Variants in OPCML observed in about 807,000 individuals in gnomAD.
OPCML encodes opioid binding protein/cell adhesion molecule like.
Under a neutral mutation model 37.8 loss-of-function variants are expected in OPCML, and 13 were observed. The ratio of observed to expected loss-of-function variants is 0.34; its 90% CI spans 0.22 to 0.55. The LOEUF is 0.55. OPCML is among the 20% of genes least tolerant of loss of function. OPCML has a pLI of 0.91. For missense variants in OPCML, 341 were observed against 435.6 expected (o/e 0.78, Z 1.93); for synonymous variants, 176 against 168.8 (o/e 1.04, Z -0.33).
chr11:132,966,397 T>C (rs1946215933), intron 1 of OPCML, among the ~76,000 whole-genome samples: 1 of 152,168 alleles, frequency 6.6e-6, no homozygotes, highest in Non-Finnish European at 1.5e-5. Flanking sequence ...TGTATGATTT[T>C]GATCAAGTCA....
chr11:132,515,733 C>T (rs1167976428), intron 4 of OPCML, among the ~76,000 whole-genome samples: 3 of 152,158 alleles, frequency 2.0e-5, no homozygotes, highest in Non-Finnish European at 4.4e-5. Context: ...ACCATGATTA[C>T]TACCTTTAAA....
intron 2 of OPCML, among the ~76,000 whole-genome samples, chr11:132,793,584 T>A (rs1357164448): frequency 6.6e-6 from 1 of 152,090 alleles, no homozygotes; most frequent in Non-Finnish European, 1.5e-5. Flanking sequence ...CTTGAGATGA[T>A]TTGAGGGTGT....
At chr11:133,148,363 C>G (rs138622039) in intron 1 of OPCML, among the ~76,000 whole-genome samples, 2 of 152,202 alleles carry the variant, frequency 1.3e-5, no homozygotes, top group African/African-American at 4.8e-5. Context: ...TTGGAGGGAA[C>G]GTGCAATCCA....
intron 3 of OPCML, among the ~76,000 whole-genome samples, chr11:132,588,588 G>A (rs2096478132): frequency 6.6e-6 from 1 of 152,136 alleles, no homozygotes; most frequent in African/African-American, 2.4e-5. Context: ...CCCTTCTTTA[G>A]GGATGATTCA....
chr11:133,155,707 C>T (rs1256795442), intron 1 of OPCML, among the ~76,000 whole-genome samples: 3 of 152,170 alleles, frequency 2.0e-5, no homozygotes, highest in Non-Finnish European at 4.4e-5. Flanking sequence ...ATTTATTCAA[C>T]TGCCTACTTG....
At chr11:133,237,265 C>T (rs1019209211) in intron 1 of OPCML, among the ~76,000 whole-genome samples, 1 of 152,230 alleles carries the variant, frequency 6.6e-6, no homozygotes, top group African/African-American at 2.4e-5. Context: ...AGAATTTGTA[C>T]ACCCTGGGGT....
At chr11:132,564,144 T>G (rs7937193) in intron 3 of OPCML, among the ~76,000 whole-genome samples, 67,236 of 152,104 alleles carry the variant, frequency 0.44, 15,275 homozygotes, top group African/African-American at 0.49. Flanking sequence ...CCGATTGATC[T>G]TGAGTCTGGG....
intron 1 of OPCML, among the ~76,000 whole-genome samples, chr11:133,367,150 T>A (rs1565596089): frequency 6.6e-6 from 1 of 152,176 alleles, no homozygotes; most frequent in Non-Finnish European, 1.5e-5. Context: ...AGCTAACTTT[T>A]TTATTTCTAA....
At chr11:133,293,386 G>A (rs564083038) in intron 1 of OPCML, among the ~76,000 whole-genome samples, 2 of 152,096 alleles carry the variant, frequency 1.3e-5, no homozygotes, top group Admixed American at 6.5e-5. Context: ...CATTGACGGC[G>A]AAGTCCATGA....
intron 1 of OPCML, among the ~76,000 whole-genome samples, chr11:133,483,442 AGATT>A (rs926989281): frequency 1.6e-4 from 25 of 152,058 alleles, no homozygotes; most frequent in Admixed American, 3.9e-4. Flanking sequence ...CAGATTAGCT[AGATT>A]GATTGATAAA....
At chr11:133,344,620 C>A (rs1230794399) in intron 1 of OPCML, among the ~76,000 whole-genome samples, 1 of 152,160 alleles carries the variant, frequency 6.6e-6, no homozygotes, top group Non-Finnish European at 1.5e-5. Flanking sequence ...ACTCAAGGAG[C>A]CCCACCTCCT....
At chr11:132,491,757 A>C (rs1213940848) in intron 4 of OPCML, among the ~76,000 whole-genome samples, 1 of 152,212 alleles carries the variant, frequency 6.6e-6, no homozygotes, top group African/African-American at 2.4e-5. Context: ...CCTGCTCACA[A>C]AGAGCTTACA....
chr11:132,957,793 A>G lies in OPCML; in HGVS notation c.62-14783T>C, dbSNP rs1421020099. Among the ~76,000 whole-genome samples, 5 of 152,314 alleles carry G rather than the reference A, an allele frequency of 3.3e-5. No homozygotes were observed. In the East Asian group the frequency reaches 9.7e-4, roughly 29 times the overall value. On this transcript the variant is annotated intron_variant, in intron 1 of 7. Transcript: ENST00000524381. Reference sequence around the variant, plus strand: ...ATTTTAATTGTTTTGGGGCAGCACGAGCTATGCTCATGTAAGACAGGAAAC... The same window carrying G: ...ATTTTAATTGTTTTGGGGCAGCACGGGCTATGCTCATGTAAGACAGGAAAC...
intron 1 of OPCML, among the ~76,000 whole-genome samples, chr11:133,100,020 C>T (rs560377168): frequency 5.9e-5 from 9 of 152,228 alleles, no homozygotes; most frequent in Middle Eastern, 6.8e-3. Context: ...TTATTTGTAG[C>T]AACATAGCTG....
At chr11:132,935,316 A>C (rs1277685337) in intron 2 of OPCML, among the ~76,000 whole-genome samples, 2 of 152,152 alleles carry the variant, frequency 1.3e-5, no homozygotes, top group African/African-American at 4.8e-5. Flanking sequence ...ATAAATAGAA[A>C]ATTATCGTAT....
intron 1 of OPCML, among the ~76,000 whole-genome samples, chr11:133,060,382 T>C (rs1310137205): frequency 1.3e-5 from 2 of 152,204 alleles, no homozygotes; most frequent in African/African-American, 2.4e-5. Context: ...ACCTCTAAAA[T>C]ATAAGCATCT....
chr11:133,271,255 C>T (rs181266641), intron 1 of OPCML, among the ~76,000 whole-genome samples: 1 of 152,280 alleles, frequency 6.6e-6, no homozygotes, highest in East Asian at 1.9e-4. Context: ...TATCCCAGAA[C>T]CTGGCCCAGA....
chr11:133,136,679 AAG>A (rs751756272), intron 1 of OPCML, among the ~76,000 whole-genome samples: 17 of 152,004 alleles, frequency 1.1e-4, no homozygotes, highest in Non-Finnish European at 1.0e-4. Context: ...GAGAGAGGGA[AAG>A]AGAGAGAGAA....
intron 1 of OPCML, among the ~76,000 whole-genome samples, chr11:133,461,846 A>G (rs1591527839): frequency 6.6e-6 from 1 of 152,034 alleles, no homozygotes; most frequent in African/African-American, 2.4e-5. Context: ...AAGAAAAACA[A>G]AGGTGTAGGT....
Sources: gnomAD v4.1 joint callset for allele counts (sites outside exome capture counted in the v4.1 genomes callset) on GRCh38, gnomAD v4.1.1 for gene constraint, MANE v1.5 for transcripts, NCBI Gene and HGNC (gene_info 2026-07-23, HGNC 2026-07-21) for gene names.